The following NELL2 variants were observed in gnomAD, a reference collection of about 807,000 sequenced individuals.
NELL2 encodes the protein protein kinase C-binding protein NELL2.
NELL2 carries 41 observed loss-of-function variants against 109.6 expected under a neutral mutation model. The observed-to-expected ratio is 0.37, with a 90% CI of 0.29 to 0.49. The LOEUF (loss-of-function observed/expected upper bound fraction) is 0.49. Ranked by LOEUF, NELL2 falls within the 20% of genes least tolerant of loss-of-function variation. The pLI is 0.98. For missense variants in NELL2, 900 were observed against 1,008.3 expected (o/e 0.89, Z 1.45); for synonymous variants, 355 against 344.7 (o/e 1.03, Z -0.33).
At chr12:44,810,448 A>G (rs1161616158) in intron 3 of NELL2, among the ~76,000 whole-genome samples, 1 of 152,118 alleles carries the variant, frequency 6.6e-6, no homozygotes, top group Non-Finnish European at 1.5e-5. Flanking sequence ...TGTTCTCTAG[A>G]GACCCAATTC....
intron 1 of NELL2, among the ~76,000 whole-genome samples, chr12:44,889,496 T>G (rs1945509669): frequency 6.6e-6 from 1 of 152,000 alleles, no homozygotes; most frequent in African/African-American, 2.4e-5. Context: ...TTCATCTGAA[T>G]AGAATGAAGC....
At chr12:44,781,361 GA>G (rs1187649689) in intron 3 of NELL2, among the ~76,000 whole-genome samples, 1 of 151,476 alleles carries the variant, frequency 6.6e-6, no homozygotes, top group Non-Finnish European at 1.5e-5. Context: ...AAGATAGACT[GA>G]AAAAAAAGTT....
At chr12:44,644,608 G>GTGTATATA (rs1461808442) in intron 13 of NELL2, among the ~76,000 whole-genome samples, 1 of 90,832 alleles carries the variant, frequency 1.1e-5, no homozygotes, top group African/African-American at 4.6e-5. Context: ...ATATATGTAT[G>GTGTATATA]TATATATATA....
intron 3 of NELL2, among the ~76,000 whole-genome samples, chr12:44,787,362 G>A (rs962227707): frequency 6.6e-6 from 1 of 152,030 alleles, no homozygotes; most frequent in Non-Finnish European, 1.5e-5. Flanking sequence ...TGATATAAAT[G>A]TTTAATATAA....
chr12:44,803,086 T>C (rs1428654000), intron 3 of NELL2, among the ~76,000 whole-genome samples: 1 of 151,930 alleles, frequency 6.6e-6, no homozygotes, highest in African/African-American at 2.4e-5. Flanking sequence ...CTAAGAAGAA[T>C]CATAATCATT....
rs778999144 is a variant in NELL2 at position 44,779,955 on chromosome 12, G to A, written c.403C>T (p.Arg135Cys). The change falls in exon 4 of 20, where the codon CGC (arginine) becomes TGC (cysteine). Residue 135 changes from arginine to cysteine, a missense_variant. This residue lies in a region of NELL2 where 200 missense variants were observed against 191.8 expected (regional missense o/e 1.04). Transcript: ENST00000429094. ...TAAGGAAACACTTCTGTGTGAGGGCGGTGACTGCCTGAGCGGTAATGCAGT... is the reference window on the plus strand; with the variant it reads ...TAAGGAAACACTTCTGTGTGAGGGCAGTGACTGCCTGAGCGGTAATGCAGT... The part of the protein sequence containing the change: ...VRLHYRSGSH[R>C]PHTEVFPYIL... 4.4e-5 allele frequency: 71 copies of A among 1,613,772 alleles called. No individual in the cohort carries two copies. The highest frequency in any genetic ancestry group is 1.0e-4 in the Admixed American group (6 of 59,994).
At chr12:44,834,875 G>A (rs1350586104) in intron 2 of NELL2, among the ~76,000 whole-genome samples, 1 of 152,078 alleles carries the variant, frequency 6.6e-6, no homozygotes, top group Non-Finnish European at 1.5e-5. Flanking sequence ...CTGGACACGC[G>A]GGCAGTCCTT....
chr12:44,658,893 A>AAAAAAAG (rs1947616919), intron 13 of NELL2, among the ~76,000 whole-genome samples: 1 of 150,696 alleles, frequency 6.6e-6, no homozygotes. Flanking sequence ...AAAAAAAAAA[A>AAAAAAAG]AAAAAAGAAA....
At chr12:44,776,942 A>C in intron 7 of NELL2, 100 bp downstream of exon 7, 2 of 1,002,898 alleles carry the variant, frequency 2.0e-6, no homozygotes, top group Non-Finnish European at 3.1e-6. Flanking sequence ...AGTATAGTAT[A>C]AGAAGAGCCT....
chr12:44,882,775 A>G (rs2464392), intron 1 of NELL2, among the ~76,000 whole-genome samples: 2,733 of 136,750 alleles, frequency 0.02, 114 homozygotes, highest in African/African-American at 0.071. Context: ...TGATCCACCC[A>G]CCTCAGCCTC....
intron 16 of NELL2, among the ~76,000 whole-genome samples, chr12:44,529,645 C>A (rs1431301102): frequency 6.6e-6 from 1 of 152,080 alleles, no homozygotes; most frequent in Admixed American, 6.6e-5. Context: ...TACCTGAAGC[C>A]AAGTGAGGAA....
intron 15 of NELL2, among the ~76,000 whole-genome samples, chr12:44,574,771 G>A (rs1944010206): frequency 6.6e-6 from 1 of 152,054 alleles, no homozygotes. Context: ...GAATATTCTG[G>A]CCTCAAATAT....
At chr12:44,712,060 G>A (rs886900734) in intron 10 of NELL2, among the ~76,000 whole-genome samples, 1 of 152,116 alleles carries the variant, frequency 6.6e-6, no homozygotes, top group African/African-American at 2.4e-5. Flanking sequence ...ATACACTTCT[G>A]ATAATTGAAG....
chr12:44,847,567 G>GGGA lies in NELL2; in HGVS notation c.184+27657_184+27658insTCC, dbSNP rs112281788. On this transcript the variant is annotated intron_variant, in intron 2 of 19. Coordinates refer to ENST00000429094, the MANE Select transcript of NELL2 (RefSeq NM_001145108.2). ...TTGGCTAAGTACAGAAGAAATGGGG[G>GGGA]AAAAAAAAAAAAAGCCTTGTACTCC... Among the ~76,000 whole-genome samples, 606 of 142,954 alleles carry GGGA rather than the reference G, an allele frequency of 4.2e-3. 3 individuals are homozygous for GGGA. The highest frequency in any genetic ancestry group is 0.014 in the African/African-American group (554 of 38,976). The allele number at this position is 142,954 out of a possible 152,430, so 93.8% of individuals were successfully genotyped here.
chr12:44,568,699 G>C (rs1003310391), intron 15 of NELL2, among the ~76,000 whole-genome samples: 3 of 151,792 alleles, frequency 2.0e-5, no homozygotes, highest in Non-Finnish European at 4.4e-5. Flanking sequence ...AGGCTCATTT[G>C]TGATTCTGAA....
intron 15 of NELL2, among the ~76,000 whole-genome samples, chr12:44,558,910 G>A (rs970741693): frequency 6.6e-6 from 1 of 152,170 alleles, no homozygotes; most frequent in African/African-American, 2.4e-5. Flanking sequence ...AGCCCAGCAA[G>A]CTAAGATCCA....
chr12:44,821,142 A>G (rs1943530289), intron 2 of NELL2, among the ~76,000 whole-genome samples: 1 of 152,152 alleles, frequency 6.6e-6, no homozygotes, highest in Non-Finnish European at 1.5e-5. Context: ...ATAATAATAT[A>G]TTTTTCCCTT....
At chr12:44,770,292 T>G (rs967412413) in intron 9 of NELL2, among the ~76,000 whole-genome samples, 1 of 152,216 alleles carries the variant, frequency 6.6e-6, no homozygotes, top group Non-Finnish European at 1.5e-5. Flanking sequence ...CTAAGCACTT[T>G]ACATTTATTA....
chr12:44,749,338 T>C (rs1940541541), intron 9 of NELL2, among the ~76,000 whole-genome samples: 1 of 152,196 alleles, frequency 6.6e-6, no homozygotes, highest in Non-Finnish European at 1.5e-5. Flanking sequence ...TTCTGAAGTA[T>C]ACTTCTATGT....
Sources: gnomAD v4.1 joint callset for allele counts (sites outside exome capture counted in the v4.1 genomes callset) on GRCh38, gnomAD v4.1.1 for gene constraint, gnomAD v4.1.1 regional missense constraint, MANE v1.5 for transcripts, NCBI Gene and HGNC (gene_info 2026-07-23, HGNC 2026-07-21) for gene names.